HIKESHI: variants seen among roughly 807,000 people sequenced by gnomAD.
HIKESHI encodes the protein heat shock protein nuclear import factor hikeshi, also known as protein Hikeshi.
A neutral mutation model predicts 25.7 loss-of-function variants in HIKESHI; 13 were observed. The observed-to-expected ratio is 0.51, with a 90% CI of 0.33 to 0.80. HIKESHI has a LOEUF of 0.80. Among genes scored for constraint, HIKESHI ranks in the 30% least tolerant of loss-of-function variants. The pLI, the probability that HIKESHI is intolerant of heterozygous loss-of-function variation, is 0.02. For missense variants in HIKESHI, 174 were observed against 229.5 expected (o/e 0.76, Z 1.56); for synonymous variants, 76 against 78.7 (o/e 0.97, Z 0.18).
chr11:86,338,596 T>G (rs551506986), intron 3 of HIKESHI, among the ~76,000 whole-genome samples: 39 of 151,762 alleles, frequency 2.6e-4, no homozygotes, highest in Non-Finnish European at 5.6e-4. Context: ...AGAGGAGGAG[T>G]GAATGGATTA....
At chr11:86,302,686 T>G (rs1353589431) in intron 1 of HIKESHI, among the ~76,000 whole-genome samples, 1 of 152,248 alleles carries the variant, frequency 6.6e-6, no homozygotes, top group African/African-American at 2.4e-5. Context: ...CAGTATAAGT[T>G]GGCATTTATT....
rs149909913 is a variant in HIKESHI, at chr11:86,316,011, G to C, written c.268+9529G>C. 8.1e-3 allele frequency among the ~76,000 whole-genome samples: 1,235 copies of C among 151,626 alleles called. 9 individuals are homozygous for C. Among genetic ancestry groups the C allele is most frequent in the South Asian group, 0.013 (63 of 4,788 alleles). Reference sequence around the variant, plus strand: ...TAAGTAAAAGTAAGCTGGGTGTGGTGGCACGTGCTAATAGTCGCAGCTACT... The same window carrying C: ...TAAGTAAAAGTAAGCTGGGTGTGGTCGCACGTGCTAATAGTCGCAGCTACT... On this transcript the variant is annotated intron_variant, in intron 2 of 4. Transcript: ENST00000278483.
intron 2 of HIKESHI, among the ~76,000 whole-genome samples, chr11:86,331,449 A>G (rs1947422648): frequency 6.6e-6 from 1 of 152,188 alleles, no homozygotes; most frequent in African/African-American, 2.4e-5. Context: ...AGGTCACACC[A>G]CAGCACTCCA....
rs574109033 is a variant in HIKESHI, at chr11:86,341,329, G to T, written c.421-3274G>T. On this transcript the variant is annotated intron_variant, in intron 3 of 4. Coordinates refer to ENST00000278483, the MANE Select transcript of HIKESHI (RefSeq NM_016401.4). The stretch of plus-strand genomic sequence containing the variant: ...GTACAACGATTACATTTCTTTTCTT[G>T]TATAATTTTTCATTTTTCCTCATTT... 2.1e-3 allele frequency among the ~76,000 whole-genome samples: 277 copies of T among 135,026 alleles called. 1 individual carries two copies. Among genetic ancestry groups the T allele is most frequent in the African/African-American group, 7.5e-3 (271 of 36,308 alleles). 88.6% of individuals were successfully genotyped at this position (135,026 alleles called of 152,430 possible). A position where few individuals can be genotyped will look rare whatever the true frequency, so the allele number is the denominator to read the frequency against.
intron 2 of HIKESHI, among the ~76,000 whole-genome samples, chr11:86,306,968 C>T (rs999602877): frequency 6.8e-6 from 1 of 148,052 alleles, no homozygotes; most frequent in Non-Finnish European, 1.5e-5. Context: ...CCACTGCACT[C>T]CAGCCTGGGT....
Position 86,302,335 on chromosome 11 carries a change from G to A in HIKESHI, c.-114G>A, listed in dbSNP as rs919024186. The A allele has an allele frequency of 6.9e-6, 9 of 1,304,864 alleles. No homozygotes were observed. Among genetic ancestry groups the A allele is most frequent in the African/African-American group, 1.5e-5 (1 of 68,324 alleles). The allele number at this position is 1,304,864 out of a possible 1,614,324, so 80.8% of individuals were successfully genotyped here. A position where few individuals can be genotyped will look rare whatever the true frequency, so the allele number is the denominator to read the frequency against. Reference sequence around the variant, plus strand: ...GGCCCAGTCACTATGTAGTGGAGGGGCAGACACCCTCCCGCAAATTCTGGA... The same window carrying A: ...GGCCCAGTCACTATGTAGTGGAGGGACAGACACCCTCCCGCAAATTCTGGA... On this transcript the variant is annotated 5_prime_UTR_variant, in exon 1 of 5. Coordinates refer to ENST00000278483, the MANE Select transcript of HIKESHI (RefSeq NM_016401.4).
intron 2 of HIKESHI, among the ~76,000 whole-genome samples, chr11:86,318,476 A>G (rs375059286): frequency 6.6e-6 from 1 of 152,024 alleles, no homozygotes; most frequent in Non-Finnish European, 1.5e-5. Flanking sequence ...TAATTTTCAG[A>G]GAATAGAGAA....
At chr11:86,313,799 G>C (rs992039935) in intron 2 of HIKESHI, among the ~76,000 whole-genome samples, 3 of 152,152 alleles carry the variant, frequency 2.0e-5, no homozygotes, top group African/African-American at 7.2e-5. Context: ...AGTGGGTTGG[G>C]GAAGCTTTCC....
chr11:86,326,796 GTGGCA>G, intron 2 of HIKESHI: 1 of 279,190 alleles, frequency 3.6e-6, no homozygotes, highest in South Asian at 3.4e-5. Flanking sequence ...ACTTTTAAGG[GTGGCA>G]TGATAGGTTC....
intron 2 of HIKESHI, 103 bp from the exon 3 acceptor site, chr11:86,337,276 C>G: frequency 8.8e-7 from 1 of 1,132,966 alleles, no homozygotes; most frequent in Non-Finnish European, 1.2e-6. Context: ...GGACATAAAA[C>G]TTTTTCATGT....
At chr11:86,326,945 G>T (rs1947296957) in intron 2 of HIKESHI, among the ~76,000 whole-genome samples, 1 of 152,184 alleles carries the variant, frequency 6.6e-6, no homozygotes, top group African/African-American at 2.4e-5. Context: ...GTATTTTAGA[G>T]CTGGGCATGG....
At chr11:86,309,577 A>C (rs1385443712) in intron 2 of HIKESHI, among the ~76,000 whole-genome samples, 1 of 152,180 alleles carries the variant, frequency 6.6e-6, no homozygotes, top group African/African-American at 2.4e-5. Flanking sequence ...TAGTTTAATT[A>C]GATCCCATTT....
intron 4 of HIKESHI, 62 bp from the exon 5 acceptor site, chr11:86,345,522 G>A: frequency 2.1e-6 from 2 of 930,902 alleles, no homozygotes; most frequent in South Asian, 1.6e-5. Context: ...TCATTTGGCA[G>A]TTAATGAAAG....
intron 3 of HIKESHI, among the ~76,000 whole-genome samples, chr11:86,340,707 G>A (rs941641180): frequency 3.3e-5 from 5 of 152,106 alleles, no homozygotes; most frequent in South Asian, 2.1e-4. Flanking sequence ...GTGCAATGGC[G>A]TGATCTCGGC....
intron 1 of HIKESHI, among the ~76,000 whole-genome samples, chr11:86,304,771 C>A (rs1946578282): frequency 6.6e-6 from 1 of 152,182 alleles, no homozygotes; most frequent in South Asian, 2.1e-4. Context: ...CCGCCTTGGC[C>A]TCCCAAAGTG....
At chr11:86,336,262 A>G (rs949948876) in intron 2 of HIKESHI, among the ~76,000 whole-genome samples, 1 of 152,198 alleles carries the variant, frequency 6.6e-6, no homozygotes, top group Admixed American at 6.5e-5. Flanking sequence ...ACACAGTGTA[A>G]TGAGAGTAAC....
chr11:86,316,322 G>C (rs993660592), intron 2 of HIKESHI, among the ~76,000 whole-genome samples: 7 of 150,924 alleles, frequency 4.6e-5, no homozygotes, highest in African/African-American at 1.7e-4. Flanking sequence ...GACCAGCCTG[G>C]CCAACATTGT....
chr11:86,328,058 C>G (rs1446194953), intron 2 of HIKESHI, among the ~76,000 whole-genome samples: 1 of 152,116 alleles, frequency 6.6e-6, no homozygotes, highest in Non-Finnish European at 1.5e-5. Context: ...TAACAGAAAG[C>G]CATGAAATAT....
chr11:86,338,129 C>G (rs1225785432), intron 3 of HIKESHI, among the ~76,000 whole-genome samples: 2 of 152,164 alleles, frequency 1.3e-5, no homozygotes, highest in African/African-American at 4.8e-5. Context: ...TTTATTCATT[C>G]CATTGAACTG....
Sources: gnomAD v4.1 joint callset for allele counts (sites outside exome capture counted in the v4.1 genomes callset) on GRCh38, gnomAD v4.1.1 for gene constraint, MANE v1.5 for transcripts, NCBI Gene and HGNC (gene_info 2026-07-23, HGNC 2026-07-21) for gene names.